The following FARP1 variants were observed in gnomAD, a reference collection of about 807,000 sequenced individuals.
The protein encoded by FARP1 is FERM, ARH/RhoGEF and pleckstrin domain protein 1.
FARP1 carries 52 observed loss-of-function variants against 128.8 expected under a neutral mutation model. The observed-to-expected ratio is 0.40, with a 90% CI of 0.32 to 0.51. The LOEUF (loss-of-function observed/expected upper bound fraction) is 0.51. Among genes scored for constraint, FARP1 ranks in the 20% least tolerant of loss-of-function variants. The pLI is 0.45. For synonymous variants in FARP1, 580 were observed against 551.8 expected, an observed-to-expected ratio of 1.05 and a Z score of -0.72; for missense variants, 1,333 against 1,367.9, an observed-to-expected ratio of 0.97 and a Z score of 0.40.
In FARP1 at chr13:98,379,192, ATATAAT is replaced by A. The variant is rs1566935398; in HGVS notation, c.496+1275_496+1280del. On this transcript the variant is annotated intron_variant, in intron 6 of 26. Transcript: ENST00000319562. The stretch of plus-strand genomic sequence containing the variant: ...ATAATCTATATATAATATATATAAT[ATATAAT>A]ATATATATAATATATAATATATAAT... Among the ~76,000 whole-genome samples the A allele has an allele frequency of 1.8e-4, 14 of 76,686 alleles. 4 individuals are homozygous for A. The highest frequency in any genetic ancestry group is 1.0e-3 in the African/African-American group (14 of 13,990). The allele number at this position is 76,686 out of a possible 152,430, so 50.3% of individuals were successfully genotyped here.
At chr13:98,300,331 C>T (rs1205278734) in intron 2 of FARP1, among the ~76,000 whole-genome samples, 1 of 152,148 alleles carries the variant, frequency 6.6e-6, no homozygotes, top group Non-Finnish European at 1.5e-5. Context: ...GGGCCACTGT[C>T]GTTTGCACGG....
chr13:98,190,360 C>T (rs1425187957), intron 1 of FARP1, among the ~76,000 whole-genome samples: 1 of 152,124 alleles, frequency 6.6e-6, no homozygotes, highest in African/African-American at 2.4e-5. Flanking sequence ...GCTGTTGTTT[C>T]TAGAGATACA....
chr13:98,159,124 G>A (rs150844297), intron 1 of FARP1, among the ~76,000 whole-genome samples: 34 of 152,308 alleles, frequency 2.2e-4, no homozygotes, highest in South Asian at 6.2e-4. Context: ...TGTAGGAGAC[G>A]CCTTCTGGCC....
intron 1 of FARP1, among the ~76,000 whole-genome samples, chr13:98,163,507 T>G (rs956609859): frequency 7.2e-5 from 11 of 151,814 alleles, no homozygotes; most frequent in African/African-American, 2.2e-4. Context: ...CAAATAGCCA[T>G]TTAGGAAAAT....
intron 17 of FARP1, among the ~76,000 whole-genome samples, chr13:98,426,210 G>A (rs543772768): frequency 7.2e-5 from 11 of 152,146 alleles, no homozygotes; most frequent in Admixed American, 2.6e-4. Flanking sequence ...TATCTCAGCC[G>A]GGTGTGGTGG....
intron 16 of FARP1, among the ~76,000 whole-genome samples, chr13:98,415,489 C>T (rs978055341): frequency 2.6e-5 from 4 of 152,172 alleles, no homozygotes; most frequent in Admixed American, 2.6e-4. Context: ...GTGTGCGTGG[C>T]AGGCTTTGCC....
intron 1 of FARP1, among the ~76,000 whole-genome samples, chr13:98,186,063 T>C (rs1200351422): frequency 1.3e-5 from 2 of 152,168 alleles, no homozygotes; most frequent in Non-Finnish European, 2.9e-5. Flanking sequence ...CACATTATTG[T>C]GCCACCATCA....
At chr13:98,253,538 G>A (rs1457493501) in intron 2 of FARP1, among the ~76,000 whole-genome samples, 2 of 152,200 alleles carry the variant, frequency 1.3e-5, no homozygotes, top group African/African-American at 4.8e-5. Context: ...TTCACCATTT[G>A]TGAAATGAGG....
At chr13:98,195,421 C>A (rs1879508250) in intron 1 of FARP1, among the ~76,000 whole-genome samples, 2 of 152,304 alleles carry the variant, frequency 1.3e-5, no homozygotes, top group South Asian at 4.1e-4. Flanking sequence ...CTAGTGTCTA[C>A]TGCGTGTGTG....
intron 13 of FARP1, chr13:98,396,912 A>G (rs1199774250): frequency 6.4e-6 from 1 of 155,810 alleles, no homozygotes. Flanking sequence ...AGATTACAGA[A>G]AAGGGTTTCC....
intron 1 of FARP1, among the ~76,000 whole-genome samples, chr13:98,200,765 G>C (rs181130613): frequency 6.6e-6 from 1 of 152,184 alleles, no homozygotes; most frequent in Non-Finnish European, 1.5e-5. Flanking sequence ...CAACACCCCA[G>C]GGAAGATGAA....
intron 7 of FARP1, 99 bp from the exon 8 acceptor site, chr13:98,385,568 A>G: frequency 4.5e-6 from 6 of 1,335,646 alleles, no homozygotes; most frequent in South Asian, 1.2e-5. Context: ...TTGTGATGAA[A>G]TGCCTTTGTA....
At chr13:98,397,216 C>T (rs1890583070) in intron 13 of FARP1, 1 of 152,194 alleles carries the variant, frequency 6.6e-6, no homozygotes, top group Non-Finnish European at 1.5e-5. Context: ...TTAAGAAGTA[C>T]AATTCTGCCT....
intron 2 of FARP1, among the ~76,000 whole-genome samples, chr13:98,280,170 C>T (rs933737544): frequency 1.3e-5 from 2 of 152,254 alleles, no homozygotes; most frequent in African/African-American, 2.4e-5. Context: ...ACACACAAAT[C>T]AGCTGGCGTC....
chr13:98,214,003 A>G (rs1880906429), intron 2 of FARP1, among the ~76,000 whole-genome samples: 1 of 151,986 alleles, frequency 6.6e-6, no homozygotes, highest in Non-Finnish European at 1.5e-5. Flanking sequence ...AGCCCTAGAG[A>G]TGGGGAGGCC....
At chr13:98,201,943 CTGTT>C (rs1344375092) in intron 1 of FARP1, among the ~76,000 whole-genome samples, 1 of 152,224 alleles carries the variant, frequency 6.6e-6, no homozygotes, top group Non-Finnish European at 1.5e-5. Context: ...AGTTCCTCCT[CTGTT>C]TGAAGTGTCT....
Position 98,160,703 on chromosome 13 carries a change from G to T in FARP1, c.-24+17211G>T, listed in dbSNP as rs541060597. ...TTTTGAGACTGAGTCTTGCTCTGTT[G>T]CCTAGGCTAGAGTGCAGTGGTGCCA... On this transcript the variant is annotated intron_variant, in intron 1 of 26. Coordinates refer to ENST00000319562, the MANE Select transcript of FARP1 (RefSeq NM_005766.4). Among the ~76,000 whole-genome samples, 168 of 151,904 alleles carry T rather than the reference G, an allele frequency of 1.1e-3. 1 individual carries two copies. Among genetic ancestry groups the T allele is most frequent in the Non-Finnish European group, 1.8e-3 (124 of 68,006 alleles).
chr13:98,276,896 A>G (rs1236006657), intron 2 of FARP1, among the ~76,000 whole-genome samples: 1 of 151,924 alleles, frequency 6.6e-6, no homozygotes, highest in African/African-American at 2.4e-5. Context: ...GGAAGGTAAA[A>G]AGGGGAAGAC....
rs1277886656 is a variant in FARP1 at position 98,444,156 on chromosome 13, G to A, written c.2797-1942G>A. On this transcript the variant is annotated intron_variant, in intron 24 of 26. Transcript: ENST00000319562. ...CCATGTTGCAGGGCTCCGGTCTGCC[G>A]TGTCACCAGCTGTCCTCCCTGTATC... Among the ~76,000 whole-genome samples, 7 of 152,222 alleles carry A rather than the reference G, an allele frequency of 4.6e-5. No individual in the cohort carries two copies. In the East Asian group the frequency reaches 5.8e-4, roughly 13 times the overall value.
Sources: allele counts gnomAD v4.1 joint callset (sites outside exome capture counted in the v4.1 genomes callset), GRCh38; gene constraint gnomAD v4.1.1; transcripts MANE v1.5; gene names NCBI Gene and HGNC (gene_info 2026-07-23, HGNC 2026-07-21).